The following PPME1 variants were observed in gnomAD, a reference collection of about 807,000 sequenced individuals.
PPME1 encodes the protein protein phosphatase methylesterase 1.
A neutral mutation model predicts 56.9 loss-of-function variants in PPME1; 17 were observed. The observed-to-expected ratio is 0.30, with a 90% CI of 0.20 to 0.45. The LOEUF is 0.45. Ranked by LOEUF, PPME1 falls within the 20% of genes least tolerant of loss-of-function variation. PPME1 has a pLI of 1.00. For missense variants in PPME1, 357 were observed against 483.2 expected, an observed-to-expected ratio of 0.74 and a Z score of 2.45; for synonymous variants, 122 against 156.2, an observed-to-expected ratio of 0.78 and a Z score of 1.63.
intron 3 of PPME1, among the ~76,000 whole-genome samples, chr11:74,215,473 T>A (rs1858613506): frequency 6.6e-6 from 1 of 152,158 alleles, no homozygotes; most frequent in Non-Finnish European, 1.5e-5. Flanking sequence ...CACTTTACAA[T>A]AATGGGTTAT....
intron 1 of PPME1, among the ~76,000 whole-genome samples, chr11:74,190,487 A>C (rs1857806102): frequency 6.6e-6 from 1 of 152,240 alleles, no homozygotes; most frequent in East Asian, 1.9e-4. Flanking sequence ...AGCCCTCACC[A>C]GAAACAGATA....
chr11:74,222,570 C>A (rs961546088), intron 4 of PPME1: 17 of 510,420 alleles, frequency 3.3e-5, no homozygotes, highest in African/African-American at 3.0e-4. Flanking sequence ...CTCACTGCAA[C>A]CTCTGCCTCC....
At chr11:74,234,492 T>C (rs927420493) in intron 7 of PPME1, among the ~76,000 whole-genome samples, 16 of 151,920 alleles carry the variant, frequency 1.1e-4, no homozygotes, top group Non-Finnish European at 2.2e-4. Context: ...GTTGATGAGA[T>C]AAAAGGAAAA....
chr11:74,182,159 TA>T (rs1857556742), intron 1 of PPME1, among the ~76,000 whole-genome samples: 1 of 152,198 alleles, frequency 6.6e-6, no homozygotes, highest in African/African-American at 2.4e-5. Context: ...TTCCTGGCTT[TA>T]CTACTTACCG....
At chr11:74,216,356 CA>C (rs757786306) in intron 3 of PPME1, among the ~76,000 whole-genome samples, 2 of 152,084 alleles carry the variant, frequency 1.3e-5, no homozygotes, top group Non-Finnish European at 2.9e-5. Flanking sequence ...GGATACTATA[CA>C]AACACATAGA....
rs1347016323 is a variant in PPME1, at chr11:74,233,558, A to G, written c.645-2343A>G. ...CCAGGTGTGGTGGTTCACACCTGTA[A>G]TCCCAGTGCTTTGGGAGGCTGAGAT... On this transcript the variant is annotated intron_variant, in intron 7 of 13. Transcript: ENST00000328257. 2.0e-5 allele frequency among the ~76,000 whole-genome samples: 3 copies of G among 152,188 alleles called. No homozygotes were observed. The East Asian group carries it at 5.8e-4, about 29-fold the overall frequency.
At chr11:74,210,367 A>T (rs1310253423) in intron 3 of PPME1, among the ~76,000 whole-genome samples, 2 of 152,210 alleles carry the variant, frequency 1.3e-5, no homozygotes, top group African/African-American at 2.4e-5. Flanking sequence ...AAATTGCATG[A>T]ATATCATACT....
chr11:74,233,526 C>A (rs993188077), intron 7 of PPME1, among the ~76,000 whole-genome samples: 2 of 151,226 alleles, frequency 1.3e-5, no homozygotes, highest in Non-Finnish European at 3.0e-5. Context: ...AGAACCTGGG[C>A]TTTAGGCCAG....
At chr11:74,173,728 G>A (rs1381338070) in intron 1 of PPME1, among the ~76,000 whole-genome samples, 2 of 152,142 alleles carry the variant, frequency 1.3e-5, no homozygotes, top group African/African-American at 4.8e-5. Flanking sequence ...TTTTAGTAGA[G>A]AGGGGATTTC....
intron 1 of PPME1, among the ~76,000 whole-genome samples, chr11:74,181,387 C>T (rs1200465051): frequency 6.6e-6 from 1 of 152,180 alleles, no homozygotes; most frequent in African/African-American, 2.4e-5. Context: ...ACTCATGAAG[C>T]ACTTTCAGAC....
At chr11:74,172,997 T>C (rs907474561) in intron 1 of PPME1, among the ~76,000 whole-genome samples, 2 of 151,790 alleles carry the variant, frequency 1.3e-5, no homozygotes, top group Non-Finnish European at 2.9e-5. Flanking sequence ...ATGGGAAAAA[T>C]GGGTGGAAAA....
chr11:74,177,637 T>C (rs1352635639), intron 1 of PPME1, among the ~76,000 whole-genome samples: 2 of 152,164 alleles, frequency 1.3e-5, no homozygotes, highest in Non-Finnish European at 2.9e-5. Flanking sequence ...TTTGAGGATT[T>C]TCGTGGTTCC....
At chr11:74,176,592 G>T (rs1238930599) in intron 1 of PPME1, among the ~76,000 whole-genome samples, 2 of 151,716 alleles carry the variant, frequency 1.3e-5, no homozygotes, top group South Asian at 4.2e-4. Flanking sequence ...CCATAAACTC[G>T]TTACTCATTA....
At position 74,205,300 on chromosome 11, in the gene PPME1, G is replaced by A. The variant is rs576097128; in HGVS notation, c.288+855G>A. 5.3e-5 allele frequency: 8 copies of A among 152,342 alleles called. No individual in the cohort carries two copies. In the East Asian group the frequency reaches 1.4e-3, roughly 26 times the overall value. 9.4% of individuals were successfully genotyped at this position (152,342 alleles called of 1,614,324 possible). On this transcript the variant is annotated intron_variant, in intron 3 of 13. Coordinates refer to ENST00000328257, the MANE Select transcript of PPME1 (RefSeq NM_016147.3). ...TAGAGTAGAAGATATGTGTCTGTGTGAATGCTGTCAATTATAGATCTTCCT... is the reference window on the plus strand; with the variant it reads ...TAGAGTAGAAGATATGTGTCTGTGTAAATGCTGTCAATTATAGATCTTCCT...
chr11:74,179,639 A>G (rs1267291255), intron 1 of PPME1, among the ~76,000 whole-genome samples: 1 of 152,248 alleles, frequency 6.6e-6, no homozygotes, highest in Non-Finnish European at 1.5e-5. Flanking sequence ...TTGGTACGTA[A>G]TAAACACCTA....
chr11:74,175,293 G>A (rs183164674), intron 1 of PPME1, among the ~76,000 whole-genome samples: 5 of 152,024 alleles, frequency 3.3e-5, no homozygotes, highest in East Asian at 3.9e-4. Context: ...ACCTGAGGTC[G>A]GGAGTTCAAG....
At chr11:74,239,394 A>G (rs1323271609) in intron 9 of PPME1, 138 bp downstream of exon 9, 2 of 1,339,876 alleles carry the variant, frequency 1.5e-6, no homozygotes, top group Non-Finnish European at 2.0e-6. Context: ...CATAAGAGAT[A>G]CTTAGCTTAA....
chr11:74,228,027 A>G (rs1858973337), intron 5 of PPME1, among the ~76,000 whole-genome samples: 1 of 151,566 alleles, frequency 6.6e-6, no homozygotes, highest in Non-Finnish European at 1.5e-5. Flanking sequence ...GCATCCTTTT[A>G]TTTTACTCAT....
At chr11:74,226,894 T>C (rs990338085) in intron 5 of PPME1, among the ~76,000 whole-genome samples, 4 of 152,130 alleles carry the variant, frequency 2.6e-5, no homozygotes, top group African/African-American at 7.2e-5. Context: ...ATAGCAGATA[T>C]AAGGAGCAGC....
Sources: allele counts gnomAD v4.1 joint callset (sites outside exome capture counted in the v4.1 genomes callset), GRCh38; gene constraint gnomAD v4.1.1; transcripts MANE v1.5; gene names NCBI Gene and HGNC (gene_info 2026-07-23, HGNC 2026-07-21).